CGGBP1: variants seen among roughly 807,000 people sequenced by gnomAD.
CGGBP1 encodes CGG triplet repeat-binding protein 1.
In CGGBP1, 4 loss-of-function variants were observed where a neutral mutation model predicts 11.4. That is an observed-to-expected ratio of 0.35 (90% CI 0.17 to 0.80). CGGBP1 has a LOEUF of 0.80. Among genes scored for constraint, CGGBP1 ranks in the 30% least tolerant of loss-of-function variants. The probability of loss-of-function intolerance (pLI) is 0.52; values close to 1 mark genes in which losing one functional copy is unlikely to be tolerated. For synonymous variants in CGGBP1, 76 were observed against 74.1 expected, an observed-to-expected ratio of 1.03 and a Z score of -0.13; for missense variants, 135 against 202.1, an observed-to-expected ratio of 0.67 and a Z score of 2.01.
intron 2 of CGGBP1, among the ~76,000 whole-genome samples, chr3:88,068,912 A>G (rs766944087): frequency 1.3e-5 from 2 of 152,070 alleles, no homozygotes; most frequent in Admixed American, 6.5e-5. Flanking sequence ...AATACAATAC[A>G]TTGTATTGTA....
In CGGBP1 at chr3:88,055,726, C is replaced by T; in HGVS notation, c.251G>A (p.Arg84Lys). The T allele has an allele frequency of 6.2e-7, 1 of 1,614,216 alleles. No homozygotes were observed. Among genetic ancestry groups the T allele is most frequent in the Non-Finnish European group, 8.5e-7 (1 of 1,180,030 alleles). Reference sequence around the variant, plus strand: ...GCACTGAAGAGATGCAGTTAGGGGCCTCTGCTTCTTTCTCACATTCTGCTC... The same window carrying T: ...GCACTGAAGAGATGCAGTTAGGGGCTTCTGCTTCTTTCTCACATTCTGCTC... ...FEEQNVRKKQ[R>K]PLTASLQCNS... The change falls in exon 4 of 4, where the codon AGG (arginine) becomes AAG (lysine). Residue 84 changes from arginine to lysine, a missense_variant. Arg to Lys is a conservative substitution (Grantham distance 26). Coordinates refer to ENST00000482016, the MANE Select transcript of CGGBP1 (RefSeq NM_001008390.2). The surrounding 1 kb of genome is among the most constrained non-coding windows in gnomAD (Gnocchi z 4.2).
intron 2 of CGGBP1, among the ~76,000 whole-genome samples, chr3:88,065,705 C>T (rs1212044112): frequency 1.3e-5 from 2 of 151,490 alleles, no homozygotes; most frequent in African/African-American, 4.9e-5. Flanking sequence ...TTTTCTTTTC[C>T]TACCTCACAG....
At chr3:88,115,994 A>G (rs1231777319) in intron 2 of CGGBP1, among the ~76,000 whole-genome samples, 2 of 152,176 alleles carry the variant, frequency 1.3e-5, no homozygotes, top group Non-Finnish European at 2.9e-5. Context: ...AAACAGGGAA[A>G]TGTGTGAGAG....
At chr3:88,111,783 C>T (rs1356258731) in intron 2 of CGGBP1, among the ~76,000 whole-genome samples, 3 of 151,888 alleles carry the variant, frequency 2.0e-5, no homozygotes, top group Non-Finnish European at 4.4e-5. Flanking sequence ...ACATTCCCTC[C>T]AACAAGATTA....
At chr3:88,081,106 C>T (rs1708053630) in intron 2 of CGGBP1, among the ~76,000 whole-genome samples, 2 of 152,062 alleles carry the variant, frequency 1.3e-5, no homozygotes, top group Admixed American at 6.6e-5. Context: ...TGTAGAATAT[C>T]CCTCAGTTTG....
At chr3:88,121,990 C>G (rs1324761832) in intron 2 of CGGBP1, among the ~76,000 whole-genome samples, 1 of 152,112 alleles carries the variant, frequency 6.6e-6, no homozygotes, top group East Asian at 1.9e-4. Context: ...CCCTTCCTGT[C>G]TGTTTGAAAA....
rs189427695 is a variant in CGGBP1, at chr3:88,098,598, C to T, written c.-228-40375G>A. 5.5e-3 allele frequency among the ~76,000 whole-genome samples: 839 copies of T among 152,250 alleles called. 8 individuals carry two copies. The highest frequency in any genetic ancestry group is 0.01 in the Middle Eastern group (3 of 294). ...AAATCCTCAGTAAAATACTGGCAAA[C>T]TGAATCCAGCAGCACAGCAAAAAGC... On this transcript the variant is annotated intron_variant, in intron 2 of 3. Transcript: ENST00000462901.
intron 2 of CGGBP1, among the ~76,000 whole-genome samples, chr3:88,105,930 T>TA (rs1704709803): frequency 6.6e-6 from 1 of 152,216 alleles, no homozygotes; most frequent in Admixed American, 6.5e-5. Context: ...AATGCTGTTA[T>TA]AAAAGGGTGA....
At chr3:88,078,528 T>C (rs560404507) in intron 2 of CGGBP1, among the ~76,000 whole-genome samples, 2 of 152,278 alleles carry the variant, frequency 1.3e-5, no homozygotes, top group African/African-American at 4.8e-5. Flanking sequence ...GGGGCAAATA[T>C]TCTGTTTTCC....
intron 1 of CGGBP1, among the ~76,000 whole-genome samples, chr3:88,147,097 A>G (rs990001444): frequency 3.9e-5 from 6 of 152,176 alleles, no homozygotes; most frequent in Admixed American, 2.0e-4. Flanking sequence ...TTATTCAACA[A>G]ATATTCATTG....
chr3:88,066,266 T>C (rs1707193635), intron 2 of CGGBP1, among the ~76,000 whole-genome samples: 1 of 152,206 alleles, frequency 6.6e-6, no homozygotes, highest in Non-Finnish European at 1.5e-5. Flanking sequence ...AACCACTCAC[T>C]ACATTGCTTC....
intron 2 of CGGBP1, among the ~76,000 whole-genome samples, chr3:88,076,035 G>A (rs1267889131): frequency 6.6e-6 from 1 of 152,168 alleles, no homozygotes; most frequent in African/African-American, 2.4e-5. Flanking sequence ...ATGGCACAAT[G>A]CCATACTGTA....
intron 2 of CGGBP1, among the ~76,000 whole-genome samples, chr3:88,122,717 A>G (rs1188531216): frequency 6.6e-6 from 1 of 152,162 alleles, no homozygotes. Flanking sequence ...CTAGAAAAAT[A>G]CAATATGTAT....
At chr3:88,140,530 G>A in intron 2 of CGGBP1, 1 of 1,613,694 alleles carries the variant, frequency 6.2e-7, no homozygotes, top group Non-Finnish European at 8.5e-7. Flanking sequence ...TCAAATATAA[G>A]CTTGATAGAC....
upstream of CGGBP1, among the ~76,000 whole-genome samples, chr3:88,060,671 A>T (rs576005612): frequency 1.3e-4 from 20 of 152,306 alleles, no homozygotes; most frequent in South Asian, 4.1e-3. Flanking sequence ...GAAGGGTTTG[A>T]ATCAGGTAGC....
At chr3:88,100,468 A>G (rs1704344631) in intron 2 of CGGBP1, among the ~76,000 whole-genome samples, 1 of 152,200 alleles carries the variant, frequency 6.6e-6, no homozygotes, top group South Asian at 2.1e-4. Context: ...CCATCCCATT[A>G]CTGGGTATAT....
chr3:88,127,337 G>T (rs575250760), intron 2 of CGGBP1, among the ~76,000 whole-genome samples: 1 of 152,094 alleles, frequency 6.6e-6, no homozygotes, highest in Non-Finnish European at 1.5e-5. Flanking sequence ...GGGATGGGAG[G>T]TGGGACAAGA....
intron 2 of CGGBP1, among the ~76,000 whole-genome samples, chr3:88,070,855 A>G (rs1707472385): frequency 6.6e-6 from 1 of 152,212 alleles, no homozygotes; most frequent in Admixed American, 6.5e-5. Context: ...CTTAAGACAC[A>G]CAGCTAGAAA....
intron 2 of CGGBP1, among the ~76,000 whole-genome samples, chr3:88,123,028 T>TAAAAAAAAAA (rs1705872473): frequency 6.7e-6 from 1 of 149,940 alleles, no homozygotes; most frequent in Admixed American, 6.6e-5. Flanking sequence ...AAAAAAAAAG[T>TAAAAAAAAAA]AAAAAGAAAA....
Sources: gnomAD v4.1 joint callset for allele counts (sites outside exome capture counted in the v4.1 genomes callset) on GRCh38, gnomAD v4.1.1 for gene constraint, Gnocchi (gnomAD v3.1) non-coding constraint, MANE v1.5 for transcripts, NCBI Gene and HGNC (gene_info 2026-07-23, HGNC 2026-07-21) for gene names.